The following CPEB3 variants were observed in gnomAD, a reference collection of about 807,000 sequenced individuals.
CPEB3 encodes cytoplasmic polyadenylation element-binding protein 3.
A neutral mutation model predicts 67.2 loss-of-function variants in CPEB3; 20 were observed. The ratio of observed to expected loss-of-function variants is 0.30; its 90% confidence interval spans 0.21 to 0.43. The LOEUF is 0.43. Among genes scored for constraint, CPEB3 ranks in the 20% least tolerant of loss-of-function variants. The pLI, the probability that CPEB3 is intolerant of heterozygous loss-of-function variation, is 1.00. For missense variants in CPEB3, 746 were observed against 968.6 expected (o/e 0.77, Z 3.05); for synonymous variants, 376 against 393.1 (o/e 0.96, Z 0.51).
At chr10:92,105,981 C>T (rs1212430143) in intron 7 of CPEB3, among the ~76,000 whole-genome samples, 1 of 152,170 alleles carries the variant, frequency 6.6e-6, no homozygotes, top group Non-Finnish European at 1.5e-5. Context: ...CAACCTCTGC[C>T]TCCTGGGTTC....
intron 4 of CPEB3, among the ~76,000 whole-genome samples, chr10:92,146,635 C>T (rs1416895853): frequency 1.3e-5 from 2 of 151,974 alleles, no homozygotes; most frequent in African/African-American, 4.8e-5. Flanking sequence ...TGTGAACAAC[C>T]CAGGTAGTGT....
intron 2 of CPEB3, chr10:92,216,295 G>C: frequency 1.3e-6 from 2 of 1,557,488 alleles, no homozygotes; most frequent in Non-Finnish European, 1.7e-6. Flanking sequence ...ATTTGGCTGG[G>C]CAGCCTCCCT....
intron 2 of CPEB3, among the ~76,000 whole-genome samples, chr10:92,222,096 AGC>A (rs1850730590): frequency 6.6e-6 from 1 of 152,204 alleles, no homozygotes; most frequent in African/African-American, 2.4e-5. Flanking sequence ...AAATATCCAC[AGC>A]ACATTCAACA....
At chr10:92,248,320 G>C (rs1035796002) in intron 1 of CPEB3, among the ~76,000 whole-genome samples, 1 of 152,172 alleles carries the variant, frequency 6.6e-6, no homozygotes, top group Non-Finnish European at 1.5e-5. Context: ...CAGTACAAAT[G>C]CAAGCATTCA....
At chr10:92,126,812 T>C (rs912800781) in intron 6 of CPEB3, among the ~76,000 whole-genome samples, 3 of 152,340 alleles carry the variant, frequency 2.0e-5, no homozygotes, top group Admixed American at 1.3e-4. Flanking sequence ...TGTGTTCTTA[T>C]GAAAAGATAC....
intron 4 of CPEB3, among the ~76,000 whole-genome samples, chr10:92,158,812 G>A (rs1479600469): frequency 2.6e-5 from 4 of 152,178 alleles, no homozygotes; most frequent in Admixed American, 2.0e-4. Flanking sequence ...CAGCCCTATA[G>A]AATGTATTGT....
intron 4 of CPEB3, among the ~76,000 whole-genome samples, chr10:92,162,613 T>A (rs974560168): frequency 2.6e-5 from 4 of 152,142 alleles, no homozygotes; most frequent in Non-Finnish European, 5.9e-5. Context: ...GTACATGTAT[T>A]TTACAGGGGG....
intron 9 of CPEB3, among the ~76,000 whole-genome samples, chr10:92,077,808 G>A (rs1842992389): frequency 6.6e-6 from 1 of 150,594 alleles, no homozygotes; most frequent in South Asian, 2.1e-4. Context: ...GAAGAAAATG[G>A]GAGGAGAGGG....
At chr10:92,108,303 T>G (rs1245779867) in intron 7 of CPEB3, among the ~76,000 whole-genome samples, 1 of 152,202 alleles carries the variant, frequency 6.6e-6, no homozygotes, top group African/African-American at 2.4e-5. Flanking sequence ...AAAGGTTGAC[T>G]TTGCCTTGAG....
chr10:92,270,868 C>T (rs1479326013), intron 1 of CPEB3, among the ~76,000 whole-genome samples: 1 of 152,036 alleles, frequency 6.6e-6, no homozygotes, highest in Non-Finnish European at 1.5e-5. Context: ...CCGGGTCTGA[C>T]CCTATTTTAC....
chr10:92,103,066 A>T (rs571290241), intron 7 of CPEB3, among the ~76,000 whole-genome samples: 2 of 152,332 alleles, frequency 1.3e-5, no homozygotes, highest in East Asian at 3.9e-4. Context: ...GTCACAAAAC[A>T]TGTCCAGCAG....
chr10:92,223,635 A>T (rs1850811602), intron 2 of CPEB3, among the ~76,000 whole-genome samples: 3 of 132,244 alleles, frequency 2.3e-5, no homozygotes, highest in Non-Finnish European at 3.1e-5. Flanking sequence ...GTGCAATGGC[A>T]CAATCTCGGA....
intron 6 of CPEB3, chr10:92,137,764 C>T: frequency 7.1e-6 from 2 of 283,410 alleles, no homozygotes; most frequent in Non-Finnish European, 1.3e-5. Context: ...TTTGGGAGGC[C>T]AAGGTGGGCG....
intron 3 of CPEB3, among the ~76,000 whole-genome samples, chr10:92,183,717 C>G (rs754896797): frequency 1.2e-4 from 18 of 152,132 alleles, no homozygotes; most frequent in Non-Finnish European, 2.6e-4. Flanking sequence ...TATGGAGGAT[C>G]TTTTCAAACT....
At chr10:92,137,368 C>T (rs1001059052) in intron 6 of CPEB3, 3 of 1,084,018 alleles carry the variant, frequency 2.8e-6, no homozygotes, top group East Asian at 2.6e-5. Context: ...ATACCTGTCT[C>T]CCAAATACAT....
Position 92,091,935 on chromosome 10 carries a change from G to A in CPEB3, c.1582C>T (p.Arg528Ter). Residue 528 changes from arginine to a stop codon, truncating the protein, a stop_gained, in exon 8 of 10, where the codon CGA becomes TGA. Transcript: ENST00000265997. LOFTEE classifies it high-confidence loss of function. ...TCACTGTCACTTAGGTTCCATGGTCGAATTTGCACCTGAAAAAAAGTTGTT... is the reference window on the plus strand; with the variant it reads ...TCACTGTCACTTAGGTTCCATGGTCAAATTTGCACCTGAAAAAAAGTTGTT... ...PTIKDKPVQI[R>*]PWNLSDSDFV... 6.2e-7 allele frequency: 1 copy of A among 1,610,748 alleles called. No homozygotes were observed. Among genetic ancestry groups the A allele is most frequent in the Non-Finnish European group, 8.5e-7 (1 of 1,178,006 alleles).
chr10:92,216,831 C>A (rs1850430563), intron 2 of CPEB3: 2 of 1,596,350 alleles, frequency 1.3e-6, no homozygotes, highest in African/African-American at 1.3e-5. Context: ...CCGCTGGAAG[C>A]TACTGGGCTG....
intron 9 of CPEB3, among the ~76,000 whole-genome samples, chr10:92,071,243 A>G (rs1183211643): frequency 6.6e-6 from 1 of 152,330 alleles, no homozygotes; most frequent in East Asian, 1.9e-4. Flanking sequence ...TGTCTACTGC[A>G]TGATGCATTT....
At position 92,143,053 on chromosome 10, in the gene CPEB3, T is replaced by A; in HGVS notation, c.1429A>T (p.Ser477Cys). The part of the protein sequence containing the change: ...LVVDWPHKAE[S>C]KSYFPPKGYA... ...CCTTTAGGAGGAAAATAAGACTTGC[T>A]TTCAGCTTTGTGAGGCCAGTCTACT... Residue 477 changes from serine (S) to cysteine (C), a missense_variant, in exon 6 of 10, where the codon AGC becomes TGC. Around this residue, in one of 2 missense-constraint regions of CPEB3, gnomAD observed 643 missense variants for 717.5 expected, o/e 0.90. Transcript: ENST00000265997. 1 of 1,613,560 alleles carries A rather than the reference T, an allele frequency of 6.2e-7. No homozygotes were observed. Among genetic ancestry groups the A allele is most frequent in the South Asian group, 1.1e-5 (1 of 91,040 alleles).
Sources: allele counts gnomAD v4.1 joint callset (sites outside exome capture counted in the v4.1 genomes callset), GRCh38; gene constraint gnomAD v4.1.1; regional missense constraint gnomAD v4.1.1; transcripts MANE v1.5; gene names NCBI Gene and HGNC (gene_info 2026-07-23, HGNC 2026-07-21).